Variants in MEGF11 observed in about 807,000 individuals in gnomAD.
MEGF11 encodes the protein multiple epidermal growth factor-like domains protein 11.
MEGF11 carries 126 observed loss-of-function variants against 146.6 expected under a neutral mutation model. The ratio of observed to expected loss-of-function variants is 0.86; its 90% CI spans 0.74 to 1.00. The LOEUF is 1.00. Among genes scored for constraint, MEGF11 ranks in the 50% least tolerant of loss-of-function variants. MEGF11 has a pLI of 0.00. For synonymous variants in MEGF11, 532 were observed against 583.4 expected, an observed-to-expected ratio of 0.91 and a Z score of 1.27; for missense variants, 1,509 against 1,521.2, an observed-to-expected ratio of 0.99 and a Z score of 0.13.
chr15:66,119,338 A>G (rs1271961776), intron 3 of MEGF11, among the ~76,000 whole-genome samples, 152 bp from the exon 4 acceptor site: 1 of 152,256 alleles, frequency 6.6e-6, no homozygotes, highest in Non-Finnish European at 1.5e-5. Context: ...CAATAAAAAA[A>G]TCAATAGTGG....
intron 1 of MEGF11, among the ~76,000 whole-genome samples, chr15:66,190,931 CT>C (rs2090852679): frequency 1.3e-5 from 2 of 152,190 alleles, no homozygotes; most frequent in South Asian, 4.1e-4. Context: ...ATCGTCCCTC[CT>C]GCTGCAATTG....
intron 1 of MEGF11, among the ~76,000 whole-genome samples, chr15:66,148,643 C>A (rs2089456607): frequency 6.6e-6 from 1 of 152,214 alleles, no homozygotes; most frequent in Non-Finnish European, 1.5e-5. Context: ...TTCTTGCCCA[C>A]CTCTTGCCTG....
At chr15:65,955,794 ACACACAC>A (rs2080599745) in intron 10 of MEGF11, among the ~76,000 whole-genome samples, 1 of 25,766 alleles carries the variant, frequency 3.9e-5, no homozygotes, top group African/African-American at 1.2e-4. Context: ...ATATATATAT[ACACACAC>A]ACACACACAC....
Position 65,898,946 on chromosome 15 carries a change from G to A in MEGF11, c.3056-12C>T. 1 of 1,613,220 alleles carries A rather than the reference G, an allele frequency of 6.2e-7. No individual in the cohort carries two copies. The highest frequency in any genetic ancestry group is 8.5e-7 in the Non-Finnish European group (1 of 1,179,280). On this transcript the variant is annotated splice_polypyrimidine_tract_variant and intron_variant, in intron 24 of 25. Transcript: ENST00000395614. ...TTCTTTCATGTAATCTGCAAGGCAA[G>A]AGACATTTCTTAGGACAAGCAAGAA... is the stretch of plus-strand genomic sequence containing the variant.
intron 7 of MEGF11, among the ~76,000 whole-genome samples, chr15:65,979,303 G>A (rs575406042): frequency 2.2e-4 from 34 of 152,146 alleles, no homozygotes; most frequent in Non-Finnish European, 4.9e-4. Flanking sequence ...GCTCTGGGGT[G>A]CAGTCAGGTT....
In MEGF11 at chr15:65,924,254, TC is replaced by T. The variant is rs550438032; in HGVS notation, c.1676-1286del. On this transcript the variant is annotated intron_variant, in intron 13 of 25. Transcript: ENST00000395614. ...CAACAGGCTTTACTCATCCTCCTGT[TC>T]CTCAGTCTAGCCCAGCATCTGTGCT... is the stretch of plus-strand genomic sequence containing the variant. 6.1e-3 allele frequency among the ~76,000 whole-genome samples: 931 copies of T among 151,912 alleles called. 3 individuals are homozygous for T. Among genetic ancestry groups the T allele is most frequent in the Non-Finnish European group, 0.01 (705 of 67,940 alleles).
intron 1 of MEGF11, among the ~76,000 whole-genome samples, chr15:66,163,363 A>G (rs1000881333): frequency 6.6e-6 from 1 of 152,064 alleles, no homozygotes; most frequent in Non-Finnish European, 1.5e-5. Flanking sequence ...CAAGATGGAA[A>G]CCCTAGGAAG....
rs567499310 is a variant in MEGF11, at chr15:66,097,410, G to A, written c.302-2916C>T. On this transcript the variant is annotated intron_variant, in intron 4 of 25. Coordinates refer to ENST00000395614, the MANE Select transcript of MEGF11 (RefSeq NM_001385028.1). ...CTCAGCTGCTGCTCCTAGAGCGTGT[G>A]GGTGCCCTAAGCTCTTTCAGACCAC... Among the ~76,000 whole-genome samples the A allele has an allele frequency of 1.1e-4, 16 of 152,292 alleles. No homozygotes were observed. In the East Asian group the frequency reaches 2.5e-3, roughly 24 times the overall value.
chr15:66,187,430 C>T (rs2090739153), intron 1 of MEGF11, among the ~76,000 whole-genome samples: 1 of 152,188 alleles, frequency 6.6e-6, no homozygotes, highest in Admixed American at 6.5e-5. Flanking sequence ...GTGGCTGAGC[C>T]CAGGCCTGCC....
chr15:65,922,735 C>T (rs2079217823), intron 14 of MEGF11, 88 bp downstream of exon 14: 3 of 1,481,780 alleles, frequency 2.0e-6, no homozygotes, highest in Non-Finnish European at 2.7e-6. Context: ...AAGAGCCCAG[C>T]CTCTCTCAGG....
chr15:65,932,593 T>G (rs1426791096), intron 10 of MEGF11, among the ~76,000 whole-genome samples: 5 of 151,836 alleles, frequency 3.3e-5, no homozygotes, highest in African/African-American at 1.2e-4. Flanking sequence ...CAGAGGAGTA[T>G]GAGCTGGGAA....
chr15:65,946,223 C>T (rs1404906047), intron 10 of MEGF11, among the ~76,000 whole-genome samples: 2 of 152,210 alleles, frequency 1.3e-5, no homozygotes, highest in Non-Finnish European at 2.9e-5. Context: ...CTTGCCCTGT[C>T]TCATGCTCAC....
At chr15:65,962,568 G>T (rs747142702) in intron 9 of MEGF11, among the ~76,000 whole-genome samples, 7 of 152,218 alleles carry the variant, frequency 4.6e-5, no homozygotes, top group Non-Finnish European at 8.8e-5. Context: ...TGTGCCAGGG[G>T]CTCAGTCACT....
At chr15:66,074,100 A>T (rs973394665) in intron 5 of MEGF11, among the ~76,000 whole-genome samples, 9 of 152,186 alleles carry the variant, frequency 5.9e-5, no homozygotes, top group African/African-American at 2.2e-4. Context: ...TTCCTTGGGT[A>T]TCCCTCCCTA....
intron 1 of MEGF11, among the ~76,000 whole-genome samples, chr15:66,224,017 T>C (rs2091793243): frequency 6.6e-6 from 1 of 152,162 alleles, no homozygotes; most frequent in Non-Finnish European, 1.5e-5. Context: ...GGGCCTCTTT[T>C]TTCAATCAGT....
At chr15:66,201,654 G>T (rs1228635485) in intron 1 of MEGF11, among the ~76,000 whole-genome samples, 1 of 152,002 alleles carries the variant, frequency 6.6e-6, no homozygotes, top group East Asian at 1.9e-4. Context: ...CCTGCCTCCA[G>T]GCCGGGTACG....
intron 15 of MEGF11, chr15:65,921,878 G>A (rs2079180982): frequency 6.0e-6 from 1 of 167,756 alleles, no homozygotes; most frequent in Non-Finnish European, 1.3e-5. Flanking sequence ...GAAAGCATAT[G>A]GGGAGGGATT....
chr15:66,234,357 T>C (rs1295854658), intron 1 of MEGF11, among the ~76,000 whole-genome samples: 2 of 152,272 alleles, frequency 1.3e-5, no homozygotes, highest in Non-Finnish European at 2.9e-5. Flanking sequence ...CATGCTTTTC[T>C]GTTACTTGCA....
chr15:65,944,080 G>T (rs1005595111), intron 10 of MEGF11, among the ~76,000 whole-genome samples: 53 of 152,190 alleles, frequency 3.5e-4, no homozygotes, highest in African/African-American at 1.3e-3. Context: ...AACTATCTGT[G>T]CATTTATTCA....
Sources: gnomAD v4.1 joint callset for allele counts (sites outside exome capture counted in the v4.1 genomes callset) on GRCh38, gnomAD v4.1.1 for gene constraint, MANE v1.5 for transcripts, NCBI Gene and HGNC (gene_info 2026-07-23, HGNC 2026-07-21) for gene names.